Variants in DDC observed in about 807,000 individuals in gnomAD.
DDC encodes dopa decarboxylase, also known as aromatic-L-amino-acid decarboxylase.
Under a neutral mutation model 60.0 loss-of-function variants are expected in DDC, and 43 were observed. The ratio of observed to expected loss-of-function variants is 0.72; its 90% CI spans 0.56 to 0.92. The LOEUF is 0.92. Ranked by LOEUF, DDC falls within the 40% of genes least tolerant of loss-of-function variation. The probability of loss-of-function intolerance (pLI) is 0.00; values close to 1 mark genes in which losing one functional copy is unlikely to be tolerated. For synonymous variants in DDC, 232 were observed against 234.6 expected (o/e 0.99, Z 0.10); for missense variants, 573 against 620.2 (o/e 0.92, Z 0.81).
At chr7:50,496,298 A>G (rs2043126072) in intron 8 of DDC, among the ~76,000 whole-genome samples, 1 of 152,140 alleles carries the variant, frequency 6.6e-6, no homozygotes, top group Non-Finnish European at 1.5e-5. Flanking sequence ...TACGTTGCCC[A>G]GGCTGATCTC....
chr7:50,546,973 T>G (rs758364408), intron 1 of DDC, among the ~76,000 whole-genome samples: 8 of 152,220 alleles, frequency 5.3e-5, no homozygotes, highest in Non-Finnish European at 7.3e-5. Context: ...GCAGCCAGCT[T>G]ACAATTCCTT....
chr7:50,525,425 C>A (rs2044010929), intron 6 of DDC, among the ~76,000 whole-genome samples: 2 of 152,154 alleles, frequency 1.3e-5, no homozygotes, highest in Non-Finnish European at 2.9e-5. Flanking sequence ...CGCAGAATTT[C>A]TTTGTGCTAA....
chr7:50,532,480 T>C (rs12535024), intron 4 of DDC, among the ~76,000 whole-genome samples: 2,703 of 152,296 alleles, frequency 0.018, 160 homozygotes, highest in Admixed American at 0.11. Context: ...GGTGTAACAG[T>C]CATAACTCTG....
At chr7:50,460,536 C>T (rs547753160) in intron 14 of DDC, among the ~76,000 whole-genome samples, 12 of 151,654 alleles carry the variant, frequency 7.9e-5, no homozygotes, top group Admixed American at 2.6e-4. Context: ...GCCACCACCC[C>T]GTCTGGGAGG....
At chr7:50,549,514 T>C (rs1216065168) in intron 1 of DDC, among the ~76,000 whole-genome samples, 1 of 151,776 alleles carries the variant, frequency 6.6e-6, no homozygotes, top group African/African-American at 2.4e-5. Flanking sequence ...ATTAGCCAGG[T>C]GTGGTGGCGG....
intron 1 of DDC, among the ~76,000 whole-genome samples, chr7:50,545,365 T>C (rs2044767399): frequency 6.6e-6 from 1 of 152,238 alleles, no homozygotes; most frequent in Admixed American, 6.5e-5. Context: ...GAATCAATTG[T>C]ATTTTCAAAA....
chr7:50,527,011 ATAGTGTGAGATTTT>A (rs1000885783), intron 6 of DDC, among the ~76,000 whole-genome samples: 1 of 118,708 alleles, frequency 8.4e-6, no homozygotes, highest in South Asian at 2.6e-4. Flanking sequence ...ATCTACACTC[ATAGTGTGAGATTTT>A]TAACATACCT....
At chr7:50,517,098 C>T (rs1442695766) in intron 6 of DDC, among the ~76,000 whole-genome samples, 1 of 152,094 alleles carries the variant, frequency 6.6e-6, no homozygotes, top group Non-Finnish European at 1.5e-5. Context: ...AACACCAAAA[C>T]CAGGAAAGGA....
intron 9 of DDC, chr7:50,492,598 C>A: frequency 2.3e-6 from 2 of 869,360 alleles, no homozygotes; most frequent in Non-Finnish European, 3.0e-6. Flanking sequence ...GAACTAACCC[C>A]ATCACCCTTC....
intron 4 of DDC, among the ~76,000 whole-genome samples, chr7:50,531,602 C>T (rs1460761793): frequency 6.6e-6 from 1 of 151,952 alleles, no homozygotes; most frequent in African/African-American, 2.4e-5. Flanking sequence ...GAGCTTAGTT[C>T]ATGTCCTAAG....
At chr7:50,476,240 C>A (rs1216638586) in intron 11 of DDC, among the ~76,000 whole-genome samples, 1 of 152,186 alleles carries the variant, frequency 6.6e-6, no homozygotes, top group Non-Finnish European at 1.5e-5. Context: ...GATGACTGGC[C>A]CCACCTGGGA....
At chr7:50,519,951 C>CAAAA (rs1563023039) in intron 6 of DDC, among the ~76,000 whole-genome samples, 26 of 73,404 alleles carry the variant, frequency 3.5e-4, no homozygotes, top group African/African-American at 1.1e-3. Context: ...ACAATCAAAA[C>CAAAA]CAAAACAAAC....
intron 1 of DDC, among the ~76,000 whole-genome samples, chr7:50,547,811 TTTTC>T (rs1231183104): frequency 6.6e-6 from 1 of 152,206 alleles, no homozygotes; most frequent in Non-Finnish European, 1.5e-5. Context: ...CTAAACCTCA[TTTTC>T]TTTAACTGGC....
At chr7:50,476,537 G>C (rs2042647679) in intron 11 of DDC, 87 bp downstream of exon 11, 4 of 1,227,234 alleles carry the variant, frequency 3.3e-6, no homozygotes, top group South Asian at 1.2e-5. Flanking sequence ...CTGATCATGA[G>C]AGTGGGGGAG....
At chr7:50,476,744 T>C in intron 10 of DDC, 101 bp from the exon 11 acceptor site, 1 of 1,154,530 alleles carries the variant, frequency 8.7e-7, no homozygotes, top group Admixed American at 1.8e-5. Flanking sequence ...TTGTGTCTTC[T>C]AAGCCAGAAA....
intron 14 of DDC, among the ~76,000 whole-genome samples, chr7:50,460,218 C>T (rs1400645117): frequency 6.9e-6 from 1 of 145,936 alleles, no homozygotes; most frequent in Non-Finnish European, 1.5e-5. Context: ...CCAGCCGCCC[C>T]GTCCGGGAGG....
chr7:50,497,532 G>T (rs978226346), intron 8 of DDC, among the ~76,000 whole-genome samples: 1 of 152,160 alleles, frequency 6.6e-6, no homozygotes, highest in Non-Finnish European at 1.5e-5. Flanking sequence ...ACTGTCCCAG[G>T]ACAGATGTTT....
At chr7:50,552,589 G>T (rs942691783) in intron 1 of DDC, among the ~76,000 whole-genome samples, 11 of 152,058 alleles carry the variant, frequency 7.2e-5, no homozygotes, top group African/African-American at 2.4e-4. Context: ...TGACCTGTGG[G>T]GTTATTTTGT....
chr7:50,523,127 C>T (rs1164329294), intron 6 of DDC, among the ~76,000 whole-genome samples: 1 of 152,208 alleles, frequency 6.6e-6, no homozygotes, highest in Non-Finnish European at 1.5e-5. Flanking sequence ...TGAATCTAGA[C>T]ATAGACCTTA....
Sources: gnomAD v4.1 joint callset for allele counts (sites outside exome capture counted in the v4.1 genomes callset) on GRCh38, gnomAD v4.1.1 for gene constraint, MANE v1.5 for transcripts, NCBI Gene and HGNC (gene_info 2026-07-23, HGNC 2026-07-21) for gene names.